The following ORC5 variants were observed in gnomAD, a reference collection of about 807,000 sequenced individuals.
ORC5 encodes origin recognition complex subunit 5.
In ORC5, 39 loss-of-function variants were observed where a neutral mutation model predicts 58.8. The observed-to-expected ratio is 0.66, with a 90% CI of 0.51 to 0.87. The LOEUF is 0.87. ORC5 is among the 40% of genes least tolerant of loss of function. The pLI is 0.00. For synonymous variants in ORC5, 218 were observed against 177.6 expected (o/e 1.23, Z -1.81); for missense variants, 493 against 506.3 (o/e 0.97, Z 0.25).
chr7:104,141,220 CCTCTAG>C (rs1798667955), intron 12 of ORC5, among the ~76,000 whole-genome samples: 1 of 152,122 alleles, frequency 6.6e-6, no homozygotes, highest in Non-Finnish European at 1.5e-5. Context: ...CAGCAGTATG[CCTCTAG>C]CACTAAGATA....
intron 12 of ORC5, among the ~76,000 whole-genome samples, chr7:104,144,599 TA>T (rs1743688682): frequency 6.6e-6 from 1 of 152,014 alleles, no homozygotes; most frequent in Non-Finnish European, 1.5e-5. Context: ...TTACTAAAAA[TA>T]CAAAAAATTA....
chr7:104,141,141 G>C (rs1433766063), intron 12 of ORC5, among the ~76,000 whole-genome samples: 2 of 152,166 alleles, frequency 1.3e-5, no homozygotes, highest in African/African-American at 4.8e-5. Flanking sequence ...GGCCTGAAAA[G>C]AGTGTGTGCT....
intron 12 of ORC5, among the ~76,000 whole-genome samples, chr7:104,151,517 T>A (rs1284152942): frequency 6.6e-6 from 1 of 152,204 alleles, no homozygotes; most frequent in East Asian, 1.9e-4. Context: ...AACTATATTA[T>A]CTTTGTTTTT....
At chr7:104,182,438 T>G (rs1562822008) in intron 8 of ORC5, among the ~76,000 whole-genome samples, 1 of 152,190 alleles carries the variant, frequency 6.6e-6, no homozygotes. Flanking sequence ...TGCTGGTAAG[T>G]TGACAGAACC....
chr7:104,153,915 C>T (rs1194039729), intron 12 of ORC5, among the ~76,000 whole-genome samples: 1 of 151,976 alleles, frequency 6.6e-6, no homozygotes, highest in Non-Finnish European at 1.5e-5. Context: ...ATGAATGTAG[C>T]TACTTTTTGT....
intron 8 of ORC5, among the ~76,000 whole-genome samples, chr7:104,170,074 T>G (rs1482640097): frequency 6.6e-6 from 1 of 152,202 alleles, no homozygotes. Context: ...AATGACAGGT[T>G]TGACTGAACA....
At chr7:104,141,127 C>T (rs922637215) in intron 12 of ORC5, among the ~76,000 whole-genome samples, 2 of 152,158 alleles carry the variant, frequency 1.3e-5, no homozygotes, top group African/African-American at 2.4e-5. Context: ...ATGTATTATA[C>T]TCCGGCCTGA....
At chr7:104,128,745 A>T (rs930575258) in intron 13 of ORC5, among the ~76,000 whole-genome samples, 12 of 132,944 alleles carry the variant, frequency 9.0e-5, no homozygotes, top group African/African-American at 3.4e-4. Flanking sequence ...CTCATTGTTC[A>T]GTTCCCACCT....
intron 3 of ORC5, among the ~76,000 whole-genome samples, chr7:104,198,006 GTTA>G (rs957976813): frequency 6.6e-6 from 1 of 152,112 alleles, no homozygotes; most frequent in Non-Finnish European, 1.5e-5. Flanking sequence ...AAGGGAGTGG[GTTA>G]TTGAGAGAAT....
At chr7:104,206,347 A>G (rs771703045) in intron 1 of ORC5, among the ~76,000 whole-genome samples, 1 of 152,164 alleles carries the variant, frequency 6.6e-6, no homozygotes, top group Non-Finnish European at 1.5e-5. Context: ...CAGAAAACTG[A>G]TATTAAAATA....
chr7:104,130,906 T>G (rs1391146341), intron 13 of ORC5, among the ~76,000 whole-genome samples: 1 of 152,216 alleles, frequency 6.6e-6, no homozygotes, highest in East Asian at 1.9e-4. Context: ...CCGTCCTAGC[T>G]TAAGACTCCA....
At chr7:104,162,012 AT>A (rs752492237) in intron 11 of ORC5, among the ~76,000 whole-genome samples, 5 of 152,214 alleles carry the variant, frequency 3.3e-5, no homozygotes, top group Admixed American at 1.3e-4. Flanking sequence ...TATAAAGTAA[AT>A]AAGCCAGCAG....
In ORC5 at chr7:104,133,173, G is replaced by A. The variant is rs903253643; in HGVS notation, c.1262+3608C>T. Among the ~76,000 whole-genome samples, 2 of 152,154 alleles carry A rather than the reference G, an allele frequency of 1.3e-5. No homozygotes were observed. Among genetic ancestry groups the A allele is most frequent in the African/African-American group, 4.8e-5 (2 of 41,400 alleles). On this transcript the variant is annotated intron_variant, in intron 13 of 13. Transcript: ENST00000297431. This position sits in a 1 kb window ranked among gnomAD's most constrained non-coding sequence, Gnocchi z 4.7. ...ACTGAATATTTTTAATGAGCAGGGT[G>A]ACATTAAATTTTTATAAAATCATTC...
intron 8 of ORC5, among the ~76,000 whole-genome samples, chr7:104,178,373 T>G (rs1476137911): frequency 2.6e-5 from 4 of 152,258 alleles, no homozygotes; most frequent in African/African-American, 9.6e-5. Context: ...TTTTGAGAAG[T>G]GTCTGTTCAT....
At chr7:104,191,759 G>A (rs1210755874) in intron 5 of ORC5, among the ~76,000 whole-genome samples, 1 of 151,924 alleles carries the variant, frequency 6.6e-6, no homozygotes, top group Non-Finnish European at 1.5e-5. Flanking sequence ...TGAAAACAGT[G>A]TATCATGAGG....
chr7:104,166,050 A>G (rs1799102153), intron 10 of ORC5, among the ~76,000 whole-genome samples: 1 of 150,152 alleles, frequency 6.7e-6, no homozygotes, highest in Non-Finnish European at 1.5e-5. Flanking sequence ...AAAAAAAAAT[A>G]AAGTCCTGAA....
rs34643155 is a variant in ORC5, at chr7:104,188,195, T to TACACACAC, written c.684+48_684+55dup. Reference sequence around the variant, plus strand: ...AAATACATATATACACATATATGTATACACACACACACACACACACACATA... The same window carrying TACACACAC: ...AAATACATATATACACATATATGTATACACACACACACACACACACACACACACACATA... On this transcript the variant is annotated intron_variant, in intron 6 of 13. Coordinates refer to ENST00000297431, the MANE Select transcript of ORC5 (RefSeq NM_002553.4). 3.7e-4 allele frequency: 377 copies of TACACACAC among 1,017,332 alleles called. 2 individuals are homozygous for TACACACAC. In the African/African-American group the frequency reaches 5.6e-3, roughly 15 times the overall value. 63.0% of individuals were successfully genotyped at this position (1,017,332 alleles called of 1,614,324 possible).
rs1033016680 is a variant in ORC5 at position 104,165,201 on chromosome 7, A to G, written c.1038+34T>C. 6.6e-6 allele frequency: 7 copies of G among 1,053,252 alleles called. No homozygotes were observed. In the African/African-American group the frequency reaches 1.1e-4, roughly 17 times the overall value. 65.2% of individuals were successfully genotyped at this position (1,053,252 alleles called of 1,614,324 possible). On this transcript the variant is annotated intron_variant, in intron 11 of 13. Coordinates refer to ENST00000297431, the MANE Select transcript of ORC5 (RefSeq NM_002553.4). ...ATTTCCTATATTATCTTCATTTCCT[A>G]AGTTTCTTCCATTAGAAATTAAAAT...
intron 13 of ORC5, among the ~76,000 whole-genome samples, chr7:104,127,799 T>C (rs759964206): frequency 2.0e-5 from 3 of 152,186 alleles, no homozygotes; most frequent in Admixed American, 6.5e-5. Context: ...TTTTTTAAAA[T>C]GTGGAATGGG....
Sources: allele counts gnomAD v4.1 joint callset (sites outside exome capture counted in the v4.1 genomes callset), GRCh38; gene constraint gnomAD v4.1.1; non-coding constraint Gnocchi (gnomAD v3.1); transcripts MANE v1.5; gene names NCBI Gene and HGNC (gene_info 2026-07-23, HGNC 2026-07-21).